Variants in TRHDE observed in about 807,000 individuals in gnomAD.
TRHDE encodes the protein thyrotropin releasing hormone degrading enzyme.
A neutral mutation model predicts 125.7 loss-of-function variants in TRHDE; 72 were observed. The observed-to-expected ratio is 0.57, with a 90% confidence interval of 0.47 to 0.70. TRHDE has a LOEUF of 0.70. TRHDE is among the 30% of genes least tolerant of loss of function. The pLI, the probability that TRHDE is intolerant of heterozygous loss-of-function variation, is 0.00. For synonymous variants in TRHDE, 509 were observed against 509.1 expected (o/e 1.00, Z 0.00); for missense variants, 1,110 against 1,327.1 (o/e 0.84, Z 2.54).
intron 3 of TRHDE, among the ~76,000 whole-genome samples, chr12:72,462,064 A>G (rs1479768176): frequency 1.3e-5 from 2 of 152,172 alleles, no homozygotes; most frequent in Non-Finnish European, 2.9e-5. Flanking sequence ...CAAACCCAGT[A>G]TGGACTCCAC....
At chr12:72,113,301 G>A (rs1230579569) in intron 2 of TRHDE, among the ~76,000 whole-genome samples, 1 of 151,938 alleles carries the variant, frequency 6.6e-6, no homozygotes, top group Admixed American at 6.5e-5. Context: ...TTACAGGTGT[G>A]AGCCACTGAG....
rs921560999 is a variant in TRHDE at position 72,158,866 on chromosome 12, C to T, written n.279+53114C>T. Among the ~76,000 whole-genome samples, 5 of 152,274 alleles carry T rather than the reference C, an allele frequency of 3.3e-5. 1 individual carries two copies. The highest frequency in any genetic ancestry group is 3.3e-4 in the Admixed American group (5 of 15,298). ...CTTTTTGATTCCATGCTAACTTATT[C>T]ACCATTCCTTGAATTTCTCAAAACC... On this transcript the variant is annotated intron_variant and non_coding_transcript_variant, in intron 2 of 4. Transcript: ENST00000548156.
At chr12:72,211,541 CAG>C (rs1877782411) in intron 2 of TRHDE, among the ~76,000 whole-genome samples, 1 of 152,116 alleles carries the variant, frequency 6.6e-6, no homozygotes, top group Non-Finnish European at 1.5e-5. Flanking sequence ...CAAAGAACAA[CAG>C]TGTACCATTT....
At chr12:72,287,064 G>T in intron 2 of TRHDE, 110 bp downstream of exon 2, 6 of 1,154,478 alleles carry the variant, frequency 5.2e-6, no homozygotes, top group South Asian at 1.7e-5. Flanking sequence ...CTTATATAGT[G>T]GAATTCTTTC....
At chr12:72,639,400 A>T (rs957083510) in intron 15 of TRHDE, among the ~76,000 whole-genome samples, 1 of 151,982 alleles carries the variant, frequency 6.6e-6, no homozygotes, top group African/African-American at 2.4e-5. Context: ...CTAGTTATAC[A>T]TTCTTCTAAA....
chr12:72,312,491 CA>C (rs1339352806), intron 2 of TRHDE, among the ~76,000 whole-genome samples: 68 of 152,134 alleles, frequency 4.5e-4, no homozygotes, highest in African/African-American at 1.6e-3. Flanking sequence ...GAGCACTCAG[CA>C]ATTGTTTTAA....
chr12:72,250,518 T>C (rs12307702), intron 2 of TRHDE, among the ~76,000 whole-genome samples: 6,550 of 152,152 alleles, frequency 0.043, 375 homozygotes, highest in African/African-American at 0.13. Flanking sequence ...ATGATAAAGG[T>C]CAGAGAGTAA....
At chr12:72,518,026 C>G (rs11179234) in intron 6 of TRHDE, among the ~76,000 whole-genome samples, 50,201 of 138,452 alleles carry the variant, frequency 0.36, 11,431 homozygotes, top group African/African-American at 0.63. Flanking sequence ...GTTATAATTT[C>G]TGTTCTTTTA....
chr12:72,621,203 T>C lies in TRHDE; in HGVS notation c.2565T>C (p.His855=), dbSNP rs1873039591. 1 of 1,598,574 alleles carries C rather than the reference T, an allele frequency of 6.3e-7. No individual in the cohort carries two copies. Among genetic ancestry groups the C allele is most frequent in the African/African-American group, 1.3e-5 (1 of 74,436 alleles). The part of the protein sequence containing the change: ...NGSLVQASYQ[H]EELRREVIML... ...CTCTTGTTCAAGCATCCTACCAACA[T>C]GAGTACTGTTTTATTTTCTTATCCT... Residue 855 remains histidine (H), a splice_region_variant and synonymous_variant, in exon 14 of 19, where the codon CAT becomes CAC. Transcript: ENST00000261180.
chr12:72,332,609 C>G (rs1230179120), intron 2 of TRHDE, among the ~76,000 whole-genome samples: 1 of 152,290 alleles, frequency 6.6e-6, no homozygotes, highest in Non-Finnish European at 1.5e-5. Flanking sequence ...GAACTAACAT[C>G]CAAACCATAT....
At chr12:72,528,564 C>T (rs1483412562) in intron 6 of TRHDE, among the ~76,000 whole-genome samples, 1 of 152,146 alleles carries the variant, frequency 6.6e-6, no homozygotes, top group Non-Finnish European at 1.5e-5. Context: ...CCTCAGCTCA[C>T]TGCAACCTCC....
chr12:72,396,115 T>C (rs1872778513), intron 3 of TRHDE, among the ~76,000 whole-genome samples: 1 of 152,120 alleles, frequency 6.6e-6, no homozygotes, highest in Admixed American at 6.5e-5. Context: ...CTCTAAAAAT[T>C]ATCCACTCTT....
upstream of TRHDE, chr12:72,272,259 G>C: frequency 5.4e-6 from 2 of 370,752 alleles, no homozygotes; most frequent in East Asian, 7.3e-5. The surrounding 1 kb of genome is among the most constrained non-coding windows in gnomAD (Gnocchi z 6.7). Context: ...GAACCGGTTG[G>C]AAGGCTCCCG....
intron 2 of TRHDE, among the ~76,000 whole-genome samples, chr12:72,148,186 C>A (rs1305725476): frequency 6.6e-6 from 1 of 152,140 alleles, no homozygotes; most frequent in Non-Finnish European, 1.5e-5. Context: ...ACTTCTAATT[C>A]CTAGGAGATA....
chr12:72,535,138 C>T (rs1868788853), intron 6 of TRHDE, among the ~76,000 whole-genome samples: 1 of 151,726 alleles, frequency 6.6e-6, no homozygotes. Context: ...GTATCTAGTG[C>T]TTTATAATAA....
At chr12:72,179,393 C>T (rs745402151) in intron 2 of TRHDE, among the ~76,000 whole-genome samples, 6 of 151,956 alleles carry the variant, frequency 3.9e-5, no homozygotes, top group South Asian at 2.1e-4. Context: ...TACAAATTAC[C>T]GAAGGACTAA....
At chr12:72,567,755 C>T (rs762842656) in intron 9 of TRHDE, among the ~76,000 whole-genome samples, 28 of 152,102 alleles carry the variant, frequency 1.8e-4, no homozygotes, top group Non-Finnish European at 2.9e-4. Context: ...GGCTATATTT[C>T]AAGAAGGAAA....
intron 17 of TRHDE, 60 bp from the exon 18 acceptor site, chr12:72,656,867 T>G (rs2136113410): frequency 1.7e-6 from 2 of 1,147,338 alleles, no homozygotes; most frequent in East Asian, 2.4e-5. Flanking sequence ...AAAATCTTTA[T>G]AGTAATATTT....
At chr12:72,597,739 A>G (rs867037190) in intron 12 of TRHDE, among the ~76,000 whole-genome samples, 203 of 8,730 alleles carry the variant, frequency 0.023, 9 homozygotes, top group East Asian at 0.19. Flanking sequence ...ATATATATAT[A>G]TATATATATA....
Sources: gnomAD v4.1 joint callset for allele counts (sites outside exome capture counted in the v4.1 genomes callset) on GRCh38, gnomAD v4.1.1 for gene constraint, Gnocchi (gnomAD v3.1) non-coding constraint, MANE v1.5 for transcripts, NCBI Gene and HGNC (gene_info 2026-07-23, HGNC 2026-07-21) for gene names.